The following KCNMA1 variants were observed in gnomAD, a reference collection of about 807,000 sequenced individuals.
KCNMA1 encodes Calcium-activated potassium channel subunit alpha-1.
Under a neutral mutation model 140.0 loss-of-function variants are expected in KCNMA1, and 29 were observed. The ratio of observed to expected loss-of-function variants is 0.21; its 90% CI spans 0.15 to 0.28. The LOEUF is 0.28. Among genes scored for constraint, KCNMA1 ranks in the 10% least tolerant of loss-of-function variants. KCNMA1 has a pLI of 1.00. For synonymous variants in KCNMA1, 612 were observed against 611.9 expected (o/e 1.00, Z 0.00); for missense variants, 880 against 1,602.2 (o/e 0.55, Z 7.70).
intron 23 of KCNMA1, among the ~76,000 whole-genome samples, chr10:76,932,619 A>G (rs563663091): frequency 6.6e-6 from 1 of 152,276 alleles, no homozygotes; most frequent in South Asian, 2.1e-4. Flanking sequence ...CATTTAATAT[A>G]TAGATATATA....
chr10:77,007,367 C>T (rs1024916550), intron 18 of KCNMA1, among the ~76,000 whole-genome samples: 1 of 152,064 alleles, frequency 6.6e-6, no homozygotes, highest in African/African-American at 2.4e-5. Flanking sequence ...CTACTGAGTA[C>T]TGACTAAAAG....
At chr10:77,420,384 C>T (rs1396645303) in intron 1 of KCNMA1, among the ~76,000 whole-genome samples, 7 of 152,262 alleles carry the variant, frequency 4.6e-5, no homozygotes, top group African/African-American at 1.7e-4. Flanking sequence ...AAATCCTACA[C>T]ATTGTTTAAG....
At chr10:76,911,344 G>C (rs554562758) in intron 24 of KCNMA1, 1 of 152,124 alleles carries the variant, frequency 6.6e-6, no homozygotes, top group South Asian at 2.1e-4. Flanking sequence ...TCTTTGCTCT[G>C]TTCTTCCAAA....
At chr10:76,898,161 C>G (rs1415326490) in intron 25 of KCNMA1, among the ~76,000 whole-genome samples, 2 of 151,756 alleles carry the variant, frequency 1.3e-5, no homozygotes, top group African/African-American at 2.4e-5. Context: ...GATTTTCAGA[C>G]TTGTTCAAAT....
intron 2 of KCNMA1, chr10:77,354,721 C>T (rs1464359133): frequency 6.6e-6 from 1 of 152,094 alleles, no homozygotes; most frequent in African/African-American, 2.4e-5. Flanking sequence ...GCAAGTTTGT[C>T]CAGAGTACTA....
intron 17 of KCNMA1, chr10:77,012,401 G>A: frequency 1.3e-6 from 2 of 1,539,342 alleles, no homozygotes; most frequent in Non-Finnish European, 1.8e-6. Context: ...GGCCCTTGGT[G>A]GGGAAGTTAA....
chr10:76,992,743 GGACACA>G (rs2083154174), intron 19 of KCNMA1, among the ~76,000 whole-genome samples: 1 of 152,122 alleles, frequency 6.6e-6, no homozygotes, highest in African/African-American at 2.4e-5. Context: ...ACATAAGTAA[GGACACA>G]GACAAAGGTC....
chr10:77,215,830 G>T (rs1032982086), intron 3 of KCNMA1, among the ~76,000 whole-genome samples: 37 of 151,976 alleles, frequency 2.4e-4, no homozygotes, highest in African/African-American at 8.7e-4. Context: ...TAATGTCCTT[G>T]TAAGAACAGA....
At chr10:77,038,281 G>A (rs2094458510) in intron 15 of KCNMA1, among the ~76,000 whole-genome samples, 1 of 152,064 alleles carries the variant, frequency 6.6e-6, no homozygotes, top group African/African-American at 2.4e-5. Flanking sequence ...CCTCCTTTGT[G>A]GTAAAGCCTG....
chr10:77,067,808 T>C (rs2096014501), intron 14 of KCNMA1, among the ~76,000 whole-genome samples: 1 of 152,202 alleles, frequency 6.6e-6, no homozygotes, highest in African/African-American at 2.4e-5. Context: ...TGCAAACATG[T>C]GCCCATACAT....
chr10:77,099,952 A>G (rs1014645271), intron 9 of KCNMA1, among the ~76,000 whole-genome samples: 3 of 152,194 alleles, frequency 2.0e-5, no homozygotes, highest in Non-Finnish European at 4.4e-5. Flanking sequence ...ATGTTCAACA[A>G]CGTGAATTAT....
intron 3 of KCNMA1, among the ~76,000 whole-genome samples, chr10:77,197,464 C>T (rs569670908): frequency 5.9e-5 from 9 of 152,260 alleles, no homozygotes; most frequent in Admixed American, 2.0e-4. Flanking sequence ...AACCTAAAAA[C>T]GGGAGATTTA....
chr10:77,298,559 T>C (rs970261187), intron 2 of KCNMA1, among the ~76,000 whole-genome samples: 5 of 151,946 alleles, frequency 3.3e-5, no homozygotes, highest in African/African-American at 1.2e-4. Context: ...TTATTTTAAA[T>C]GGATGTCTGG....
intron 2 of KCNMA1, among the ~76,000 whole-genome samples, chr10:77,285,989 C>T (rs2070689513): frequency 6.6e-6 from 1 of 152,148 alleles, no homozygotes; most frequent in Non-Finnish European, 1.5e-5. Context: ...GGAACCAGTC[C>T]TTACTGCCTC....
intron 9 of KCNMA1, among the ~76,000 whole-genome samples, chr10:77,102,707 G>C (rs530244426): frequency 6.6e-6 from 1 of 152,198 alleles, no homozygotes; most frequent in Admixed American, 6.5e-5. Flanking sequence ...TTGAACAAGC[G>C]TTAGTTAGCA....
chr10:77,446,804 C>G (rs1025747207), intron 1 of KCNMA1, among the ~76,000 whole-genome samples: 7 of 152,258 alleles, frequency 4.6e-5, no homozygotes, highest in African/African-American at 1.7e-4. Flanking sequence ...GTGACAGCCT[C>G]TCTGCCCAGG....
intron 1 of KCNMA1, among the ~76,000 whole-genome samples, chr10:77,622,909 T>C (rs1296986755): frequency 1.3e-5 from 2 of 152,214 alleles, no homozygotes; most frequent in South Asian, 2.1e-4. Context: ...CTAAAACCAG[T>C]GATAGACAGG....
chr10:76,998,958 G>C (rs1294200192), intron 19 of KCNMA1, among the ~76,000 whole-genome samples: 1 of 152,246 alleles, frequency 6.6e-6, no homozygotes, highest in African/African-American at 2.4e-5. Flanking sequence ...TTGATGGAGT[G>C]ATGACGGCAG....
intron 14 of KCNMA1, among the ~76,000 whole-genome samples, chr10:77,060,409 T>C (rs751521109): frequency 3.9e-4 from 60 of 152,198 alleles, no homozygotes; most frequent in Admixed American, 4.6e-4. Flanking sequence ...TCCTTCCATA[T>C]TCTCCCTTTT....
Sources: gnomAD v4.1 joint callset for allele counts (sites outside exome capture counted in the v4.1 genomes callset) on GRCh38, gnomAD v4.1.1 for gene constraint, MANE v1.5 for transcripts, NCBI Gene and HGNC (gene_info 2026-07-23, HGNC 2026-07-21) for gene names.